MYO18B: variants seen among roughly 807,000 people sequenced by gnomAD.
The protein encoded by MYO18B is unconventional myosin-XVIIIb.
A neutral mutation model predicts 273.0 loss-of-function variants in MYO18B; 204 were observed. The ratio of observed to expected loss-of-function variants is 0.75; its 90% confidence interval spans 0.67 to 0.84. MYO18B has a LOEUF of 0.84. Ranked by LOEUF, MYO18B falls within the 40% of genes least tolerant of loss-of-function variation. MYO18B has a pLI of 0.00. For synonymous variants in MYO18B, 1,330 were observed against 1,305.7 expected, an observed-to-expected ratio of 1.02 and a Z score of -0.40; for missense variants, 3,212 against 3,287.6, an observed-to-expected ratio of 0.98 and a Z score of 0.56.
At chr22:25,865,857 T>G (rs1416177027) in intron 21 of MYO18B, among the ~76,000 whole-genome samples, 2 of 150,704 alleles carry the variant, frequency 1.3e-5, no homozygotes, top group South Asian at 4.2e-4. Flanking sequence ...TTTTTTATTG[T>G]TTTTTTTTCT....
chr22:25,970,217 C>T (rs1399466446), intron 39 of MYO18B, among the ~76,000 whole-genome samples: 1 of 152,182 alleles, frequency 6.6e-6, no homozygotes, highest in Non-Finnish European at 1.5e-5. Flanking sequence ...ATCACTGTGA[C>T]CACCGCCATC....
chr22:26,042,997 C>T, the MYO18B span, among the ~76,000 whole-genome samples: 1 of 152,308 alleles, frequency 6.6e-6, no homozygotes, highest in Admixed American at 6.5e-5. Flanking sequence ...TGGATGAATG[C>T]ATATCAGGAC....
intron 36 of MYO18B, among the ~76,000 whole-genome samples, chr22:25,949,418 G>A (rs1337815228): frequency 6.6e-6 from 1 of 152,216 alleles, no homozygotes; most frequent in Admixed American, 6.5e-5. Context: ...TGAAACAGAA[G>A]CTTTGGGGTG....
At chr22:26,005,296 T>G (rs1934331710) in intron 42 of MYO18B, among the ~76,000 whole-genome samples, 1 of 152,240 alleles carries the variant, frequency 6.6e-6, no homozygotes, top group Non-Finnish European at 1.5e-5. Context: ...ACTTAAGCTT[T>G]TTTAATGGAA....
chr22:25,851,678 G>A, intron 21 of MYO18B, 99 bp downstream of exon 21: 1 of 859,936 alleles, frequency 1.2e-6, no homozygotes, highest in Non-Finnish European at 1.9e-6. Flanking sequence ...GCTCATGCCT[G>A]TAATCTCAGT....
chr22:26,054,014 A>G, the MYO18B span, among the ~76,000 whole-genome samples: 4 of 152,148 alleles, frequency 2.6e-5, no homozygotes, highest in Non-Finnish European at 5.9e-5. Flanking sequence ...AGAGATGATA[A>G]TGGGTGAACT....
At chr22:26,008,299 G>GGAATTT (rs1448186929) in intron 42 of MYO18B, among the ~76,000 whole-genome samples, 1 of 152,110 alleles carries the variant, frequency 6.6e-6, no homozygotes, top group Admixed American at 6.5e-5. Flanking sequence ...TGGATCAAAG[G>GGAATTT]GCATTTGCAT....
intron 41 of MYO18B, 45 bp from the exon 42 acceptor site, chr22:26,004,673 C>T: frequency 6.2e-7 from 1 of 1,606,970 alleles, no homozygotes; most frequent in Non-Finnish European, 8.5e-7. Flanking sequence ...ATTGCTGTTA[C>T]TGTGATTGTC....
At chr22:25,818,363 A>G (rs1413232391) in intron 12 of MYO18B, among the ~76,000 whole-genome samples, 1 of 152,060 alleles carries the variant, frequency 6.6e-6, no homozygotes, top group Non-Finnish European at 1.5e-5. Flanking sequence ...GTCTACATGG[A>G]TGGTTCCTTG....
At chr22:26,054,967 C>G in the MYO18B span, among the ~76,000 whole-genome samples, 2 of 152,128 alleles carry the variant, frequency 1.3e-5, no homozygotes, top group African/African-American at 4.8e-5. Context: ...AAGCATCAGA[C>G]AGCATGCTAA....
intron 12 of MYO18B, among the ~76,000 whole-genome samples, chr22:25,808,877 T>C (rs1002733720): frequency 1.3e-5 from 2 of 152,174 alleles, no homozygotes; most frequent in Admixed American, 6.5e-5. Flanking sequence ...ATTGGCATTA[T>C]TGTTATTAAC....
At chr22:26,062,100 T>C in the MYO18B span, among the ~76,000 whole-genome samples, 1 of 152,190 alleles carries the variant, frequency 6.6e-6, no homozygotes, top group Non-Finnish European at 1.5e-5. Context: ...TTATTTGATA[T>C]GATGAATATT....
rs539514167 is a variant in MYO18B at position 25,823,613 on chromosome 22, A to G, written c.2630A>G (p.Gln877Arg). The part of the protein sequence containing the change: ...NTATFKHHLR[Q>R]IIQQMTFGPS... ...GCCACCTTCAAGCACCACCTTCGAC[A>G]GATCATCCAGCAAATGACGTTTGGG... Residue 877 changes from glutamine to arginine, a missense_variant, in exon 13 of 44, where the codon CAG becomes CGG. Coordinates refer to ENST00000335473, the MANE Select transcript of MYO18B (RefSeq NM_032608.7). 1 of 1,613,990 alleles carries G rather than the reference A, an allele frequency of 6.2e-7. No individual in the cohort carries two copies. The highest frequency in any genetic ancestry group is 1.3e-5 in the African/African-American group (1 of 75,052).
intron 27 of MYO18B, among the ~76,000 whole-genome samples, chr22:25,892,903 G>C (rs1023318571): frequency 6.6e-6 from 1 of 152,186 alleles, no homozygotes; most frequent in Non-Finnish European, 1.5e-5. Flanking sequence ...CCATCTGCGT[G>C]AAATTCATGT....
chr22:25,919,242 C>A lies in MYO18B; in HGVS notation c.5365-2015C>A, dbSNP rs533592019. On this transcript the variant is annotated intron_variant, in intron 33 of 43. Coordinates refer to ENST00000335473, the MANE Select transcript of MYO18B (RefSeq NM_032608.7). ...AGCTGGGTAATGCTCTTCTGTGCCCCCATAATATATATTTTTTCAGAATTA... is the reference window on the plus strand; with the variant it reads ...AGCTGGGTAATGCTCTTCTGTGCCCACATAATATATATTTTTTCAGAATTA... Among the ~76,000 whole-genome samples, 12 of 152,236 alleles carry A rather than the reference C, an allele frequency of 7.9e-5. No individual in the cohort carries two copies. The East Asian group carries it at 2.3e-3, about 29-fold the overall frequency.
chr22:25,768,705 G>T lies in MYO18B; in HGVS notation c.789G>T (p.Arg263Ser). The T allele has an allele frequency of 1.3e-6, 2 of 1,576,840 alleles. No individual in the cohort carries two copies. Among genetic ancestry groups the T allele is most frequent in the Non-Finnish European group, 8.6e-7 (1 of 1,163,010 alleles). ...LKEAEPQGKD[R>S]QGTRPQAQGP... ...AGGCTGAGCCCCAGGGCAAAGACAG[G>T]CAGGGGACCAGGCCCCAAGCCCAAG... Residue 263 changes from arginine (R) to serine (S), a missense_variant, in exon 4 of 44, where the codon AGG becomes AGT. Coordinates refer to ENST00000335473, the MANE Select transcript of MYO18B (RefSeq NM_032608.7).
At chr22:25,970,565 T>A (rs542776841) in intron 39 of MYO18B, among the ~76,000 whole-genome samples, 11 of 152,106 alleles carry the variant, frequency 7.2e-5, no homozygotes, top group Non-Finnish European at 1.0e-4. Flanking sequence ...GCTTGGATAA[T>A]TAGAATCAAC....
intron 12 of MYO18B, among the ~76,000 whole-genome samples, chr22:25,813,325 C>T (rs1601773981): frequency 6.6e-6 from 1 of 151,934 alleles, no homozygotes; most frequent in South Asian, 2.1e-4. Context: ...GCTGGGATTA[C>T]AGGCATGAGC....
chr22:25,850,368 G>A (rs1355806700), intron 20 of MYO18B, among the ~76,000 whole-genome samples: 1 of 151,976 alleles, frequency 6.6e-6, no homozygotes, highest in Non-Finnish European at 1.5e-5. Flanking sequence ...GCTACTCTCC[G>A]CTGCCTGGGT....
Sources: gnomAD v4.1 joint callset for allele counts (sites outside exome capture counted in the v4.1 genomes callset) on GRCh38, gnomAD v4.1.1 for gene constraint, MANE v1.5 for transcripts, NCBI Gene and HGNC (gene_info 2026-07-23, HGNC 2026-07-21) for gene names.